NSMCE2: variants seen among roughly 807,000 people sequenced by gnomAD.
NSMCE2 encodes the protein E3 SUMO-protein ligase NSE2.
In NSMCE2, 24 loss-of-function variants were observed where a neutral mutation model predicts 23.8. That is an observed-to-expected ratio of 1.01 (90% CI 0.73 to 1.42). The LOEUF (loss-of-function observed/expected upper bound fraction) is 1.42, where lower values mean the gene tolerates loss of function less well. Ranked by LOEUF, NSMCE2 falls within the 40% of genes most tolerant of loss-of-function variation. NSMCE2 has a pLI of 0.00. For missense variants in NSMCE2, 284 were observed against 296.5 expected (o/e 0.96, Z 0.31); for synonymous variants, 92 against 94.1 (o/e 0.98, Z 0.13).
chr8:125,367,085 G>A lies in NSMCE2; in HGVS notation c.*200G>A, dbSNP rs1170055125. 6.0e-6 allele frequency: 3 copies of A among 499,906 alleles called. No homozygotes were observed. In the East Asian group the frequency reaches 9.4e-5, roughly 16 times the overall value. 31.0% of individuals were successfully genotyped at this position (499,906 alleles called of 1,614,324 possible). Reference sequence around the variant, plus strand: ...GCAATCATATTGTTTATTTTTAAGTGTTCTATAATGTTAAATAAAACTTTG... The same window carrying A: ...GCAATCATATTGTTTATTTTTAAGTATTCTATAATGTTAAATAAAACTTTG... On this transcript the variant is annotated 3_prime_UTR_variant, in exon 8 of 8. Coordinates refer to ENST00000287437, the MANE Select transcript of NSMCE2 (RefSeq NM_173685.4).
chr8:125,234,966 C>A (rs995100154), intron 5 of NSMCE2, among the ~76,000 whole-genome samples: 1 of 152,142 alleles, frequency 6.6e-6, no homozygotes, highest in Non-Finnish European at 1.5e-5. Flanking sequence ...AAAACTTTTC[C>A]CTGGCCAGGC....
At chr8:125,112,224 A>G (rs111758825) in intron 3 of NSMCE2, among the ~76,000 whole-genome samples, 6 of 152,378 alleles carry the variant, frequency 3.9e-5, no homozygotes, top group African/African-American at 1.2e-4. Context: ...TATGCTGTAT[A>G]TAGTACTAAA....
intron 4 of NSMCE2, among the ~76,000 whole-genome samples, chr8:125,153,678 C>G (rs1821162230): frequency 6.6e-6 from 1 of 152,108 alleles, no homozygotes; most frequent in South Asian, 2.1e-4. Flanking sequence ...GAAACCTAAC[C>G]TCTTGAAAAC....
chr8:125,243,555 T>C (rs550324581), intron 5 of NSMCE2, among the ~76,000 whole-genome samples: 1 of 151,562 alleles, frequency 6.6e-6, no homozygotes, highest in South Asian at 2.1e-4. Context: ...AATTGAGGAG[T>C]GATTGTGTTG....
At chr8:125,310,040 A>T (rs1828919727) in intron 5 of NSMCE2, among the ~76,000 whole-genome samples, 1 of 152,226 alleles carries the variant, frequency 6.6e-6, no homozygotes, top group South Asian at 2.1e-4. Context: ...CATCCTAGGT[A>T]AACAGAGACA....
chr8:125,279,173 G>T (rs1466195782), intron 5 of NSMCE2, among the ~76,000 whole-genome samples: 1 of 152,150 alleles, frequency 6.6e-6, no homozygotes, highest in Non-Finnish European at 1.5e-5. Context: ...AGCTATGTCG[G>T]ATAAATATTT....
chr8:125,231,170 T>C (rs1825305657), intron 5 of NSMCE2, among the ~76,000 whole-genome samples: 1 of 152,240 alleles, frequency 6.6e-6, no homozygotes, highest in Non-Finnish European at 1.5e-5. Flanking sequence ...GAAGCATTAA[T>C]TATATGATAT....
intron 5 of NSMCE2, among the ~76,000 whole-genome samples, chr8:125,312,388 G>C (rs1426753444): frequency 1.3e-5 from 2 of 152,170 alleles, no homozygotes; most frequent in Admixed American, 1.3e-4. Flanking sequence ...CACTTTGGGA[G>C]GCTGAGGCGA....
chr8:125,144,231 G>A (rs1820542201), intron 3 of NSMCE2, among the ~76,000 whole-genome samples: 1 of 152,174 alleles, frequency 6.6e-6, no homozygotes, highest in Non-Finnish European at 1.5e-5. Flanking sequence ...TTAGGCTACA[G>A]CTATAGGGCA....
chr8:125,207,000 T>G (rs1177508024), intron 5 of NSMCE2, among the ~76,000 whole-genome samples: 5 of 152,174 alleles, frequency 3.3e-5, no homozygotes, highest in Non-Finnish European at 5.9e-5. Flanking sequence ...CTTCTTAGTA[T>G]CATGTTCTTA....
chr8:125,301,682 T>G, intron 5 of NSMCE2, among the ~76,000 whole-genome samples: 1 of 139,082 alleles, frequency 7.2e-6, no homozygotes. Context: ...TGAGACAGAG[T>G]CTCCCTCTGT....
At chr8:125,300,452 C>T (rs928269011) in intron 5 of NSMCE2, among the ~76,000 whole-genome samples, 1 of 152,202 alleles carries the variant, frequency 6.6e-6, no homozygotes, top group Non-Finnish European at 1.5e-5. Context: ...CATGAGCCAT[C>T]ACACCTGGCC....
chr8:125,183,622 T>G (rs1024899505), intron 5 of NSMCE2, among the ~76,000 whole-genome samples: 1 of 148,996 alleles, frequency 6.7e-6, no homozygotes, highest in Non-Finnish European at 1.5e-5. Flanking sequence ...TCCATGATAT[T>G]TATTACTCAG....
chr8:125,093,256 A>G (rs1401457432), intron 1 of NSMCE2, among the ~76,000 whole-genome samples: 2 of 152,218 alleles, frequency 1.3e-5, no homozygotes. Context: ...AATCTTATTC[A>G]TGAAAGTGGG....
At chr8:125,173,762 A>G (rs1017978749) in intron 4 of NSMCE2, among the ~76,000 whole-genome samples, 3 of 152,210 alleles carry the variant, frequency 2.0e-5, no homozygotes, top group Non-Finnish European at 4.4e-5. Flanking sequence ...ATGTTTTCAT[A>G]AAATTAAATC....
chr8:125,102,585 T>C, intron 3 of NSMCE2, 98 bp downstream of exon 3: 1 of 907,298 alleles, frequency 1.1e-6, no homozygotes, highest in East Asian at 2.4e-5. Context: ...GGGGGAATGA[T>C]TTAACCCCTC....
chr8:125,362,483 A>C (rs1332710914), intron 7 of NSMCE2, among the ~76,000 whole-genome samples: 1 of 152,184 alleles, frequency 6.6e-6, no homozygotes, highest in Non-Finnish European at 1.5e-5. Flanking sequence ...TGAGAGCGGA[A>C]GCTGTGGACT....
chr8:125,290,307 CA>C (rs1007892052), intron 5 of NSMCE2, among the ~76,000 whole-genome samples: 109 of 149,004 alleles, frequency 7.3e-4, no homozygotes, highest in African/African-American at 2.5e-3. Context: ...GTAGCGGTAG[CA>C]AAAAAAAATT....
intron 7 of NSMCE2, among the ~76,000 whole-genome samples, chr8:125,363,570 G>C (rs1407704319): frequency 5.6e-5 from 8 of 144,088 alleles, no homozygotes; most frequent in Non-Finnish European, 9.2e-5. Context: ...GAGGGAGGGA[G>C]GGGGAGGAGG....
Sources: allele counts gnomAD v4.1 joint callset (sites outside exome capture counted in the v4.1 genomes callset), GRCh38; gene constraint gnomAD v4.1.1; transcripts MANE v1.5; gene names NCBI Gene and HGNC (gene_info 2026-07-23, HGNC 2026-07-21).